MREG: variants seen among roughly 807,000 people sequenced by gnomAD.
The protein encoded by MREG is dilute suppressor protein homolog.
In MREG, 31 loss-of-function variants were observed where a neutral mutation model predicts 28.5. The ratio of observed to expected loss-of-function variants is 1.09; its 90% CI spans 0.82 to 1.47. The LOEUF is 1.47. MREG is among the 40% of genes most tolerant of loss of function. The pLI, the probability that MREG is intolerant of heterozygous loss-of-function variation, is 0.00. For missense variants in MREG, 256 were observed against 257.4 expected (o/e 0.99, Z 0.04); for synonymous variants, 106 against 95.2 (o/e 1.11, Z -0.66).
intron 2 of MREG, among the ~76,000 whole-genome samples, chr2:215,954,450 ACACACACAC>A (rs1559175323): frequency 1.7e-4 from 26 of 150,032 alleles, no homozygotes; most frequent in African/African-American, 6.3e-4. Context: ...TGTACAACAC[ACACACACAC>A]ACACACACAC....
intron 2 of MREG, among the ~76,000 whole-genome samples, chr2:215,979,460 T>A (rs1459729164): frequency 8.4e-6 from 1 of 119,490 alleles, no homozygotes; most frequent in Non-Finnish European, 1.7e-5. Context: ...TGAAACTCCA[T>A]CTCAAAAAAT....
At chr2:215,962,873 C>T (rs1230246123) in intron 2 of MREG, among the ~76,000 whole-genome samples, 3 of 152,182 alleles carry the variant, frequency 2.0e-5, no homozygotes, top group African/African-American at 7.2e-5. Flanking sequence ...TGGTGGCTCA[C>T]GCTTGTAATC....
chr2:215,999,003 A>G (rs1693944173), intron 1 of MREG, among the ~76,000 whole-genome samples: 1 of 152,214 alleles, frequency 6.6e-6, no homozygotes, highest in Admixed American at 6.5e-5. Context: ...AACTAACCAG[A>G]CCTGAGGACT....
chr2:216,012,824 G>A (rs906066210), intron 1 of MREG, among the ~76,000 whole-genome samples: 5 of 152,160 alleles, frequency 3.3e-5, no homozygotes, highest in Admixed American at 6.5e-5. Context: ...ATGAGAAATA[G>A]ACAACTTTTT....
chr2:216,031,534 A>G (rs139630651), intron 1 of MREG, among the ~76,000 whole-genome samples: 42 of 149,690 alleles, frequency 2.8e-4, no homozygotes, highest in Middle Eastern at 6.8e-3. Flanking sequence ...AAGAAAAGAA[A>G]GAAGGAAGGA....
intron 2 of MREG, among the ~76,000 whole-genome samples, chr2:215,967,110 A>C (rs1424457508): frequency 1.3e-5 from 2 of 152,274 alleles, no homozygotes; most frequent in Non-Finnish European, 1.5e-5. Flanking sequence ...ATTTGTTTAT[A>C]ATTACCCCAG....
At chr2:215,945,825 C>A (rs1017264396) in intron 3 of MREG, 91 bp from the exon 4 acceptor site, 2 of 1,103,138 alleles carry the variant, frequency 1.8e-6, no homozygotes, top group Non-Finnish European at 2.6e-6. Context: ...ACGAACAGAC[C>A]CATGTGGATT....
chr2:215,962,742 C>T (rs1692824375), intron 2 of MREG, among the ~76,000 whole-genome samples: 1 of 152,186 alleles, frequency 6.6e-6, no homozygotes, highest in Non-Finnish European at 1.5e-5. Flanking sequence ...TTGTCCAATA[C>T]AGCAGCCAAT....
chr2:216,016,918 C>A (rs1013833196), upstream of MREG, among the ~76,000 whole-genome samples: 1 of 152,304 alleles, frequency 6.6e-6, no homozygotes, highest in African/African-American at 2.4e-5. Flanking sequence ...CAGTTACTAA[C>A]ATTTTTAAAA....
intron 3 of MREG, among the ~76,000 whole-genome samples, 153 bp downstream of exon 3, chr2:215,946,870 G>C (rs548556039): frequency 1.3e-5 from 2 of 152,320 alleles, no homozygotes; most frequent in Non-Finnish European, 2.9e-5. Context: ...TATGCTTGAG[G>C]ATATAAGAGC....
chr2:215,983,140 C>A (rs1224488274), intron 2 of MREG, among the ~76,000 whole-genome samples: 1 of 152,208 alleles, frequency 6.6e-6, no homozygotes, highest in Admixed American at 6.5e-5. Context: ...TAGAAAATCG[C>A]TTCCCTTTTC....
intron 2 of MREG, among the ~76,000 whole-genome samples, chr2:215,971,032 A>G (rs1356271869): frequency 1.3e-5 from 2 of 152,190 alleles, no homozygotes; most frequent in Non-Finnish European, 2.9e-5. Context: ...AAACTAACAC[A>G]GGAACAGAAA....
At chr2:215,964,604 TCAAA>T (rs1354651527) in intron 2 of MREG, among the ~76,000 whole-genome samples, 6 of 152,272 alleles carry the variant, frequency 3.9e-5, no homozygotes, top group African/African-American at 1.2e-4. Context: ...AAAGAAATTC[TCAAA>T]CAATGAACAC....
chr2:216,016,540 C>A (rs1694451774), upstream of MREG, among the ~76,000 whole-genome samples: 1 of 152,162 alleles, frequency 6.6e-6, no homozygotes, highest in African/African-American at 2.4e-5. Context: ...AAACATGTCA[C>A]TTAATTTTTC....
intron 2 of MREG, among the ~76,000 whole-genome samples, chr2:215,984,527 A>G (rs2106004330): frequency 6.6e-6 from 1 of 151,338 alleles, no homozygotes; most frequent in East Asian, 1.9e-4. Flanking sequence ...CCAAAAAAAA[A>G]AAAAAAAAAA....
chr2:215,984,518 C>CAAAAAAAAAAAAAA (rs375220091), intron 2 of MREG, among the ~76,000 whole-genome samples: 6 of 68,038 alleles, frequency 8.8e-5, no homozygotes, highest in African/African-American at 3.4e-4. Context: ...ACCTTGTCAC[C>CAAAAAAAAAAAAAA]AAAAAAAAAA....
At position 215,944,588 on chromosome 2, in the gene MREG, G is replaced by C. The variant is rs1057054126; in HGVS notation, c.*275C>G. 1 of 260,954 alleles carries C rather than the reference G, an allele frequency of 3.8e-6. No individual in the cohort carries two copies. The highest frequency in any genetic ancestry group is 2.2e-5 in the African/African-American group (1 of 45,786). The allele number at this position is 260,954 out of a possible 1,614,324, so 16.2% of individuals were successfully genotyped here. A position where few individuals can be genotyped will look rare whatever the true frequency, so the allele number is the denominator to read the frequency against. On this transcript the variant is annotated 3_prime_UTR_variant, in exon 5 of 5. Transcript: ENST00000263268. The stretch of plus-strand genomic sequence containing the variant: ...AACTAAAACCAAAGCTGGGGCAATG[G>C]GCTCTCAGAATGGAACCACCCATTA...
At chr2:216,032,880 G>A (rs1694731594) in exon 1 of MREG, 1 of 147,148 alleles carries the variant, frequency 6.8e-6, no homozygotes, top group South Asian at 2.1e-4. Context: ...TAAACAAGGA[G>A]TGCAGAAGAA....
In MREG at chr2:215,949,081, CTACTACTAA is replaced by C. The variant is rs1273134110; in HGVS notation, c.256-1977_256-1969del. On this transcript the variant is annotated intron_variant, in intron 2 of 4. Transcript: ENST00000263268. ...ACTACTACTACTACTACTACTACTA[CTACTACTAA>C]TAATAATAATAATAATACAAAAATT... 1.6e-3 allele frequency among the ~76,000 whole-genome samples: 159 copies of C among 96,402 alleles called. 1 individual carries two copies. Among genetic ancestry groups the C allele is most frequent in the Middle Eastern group, 5.0e-3 (1 of 202 alleles). 63.2% of individuals were successfully genotyped at this position (96,402 alleles called of 152,430 possible).
Sources: gnomAD v4.1 joint callset for allele counts (sites outside exome capture counted in the v4.1 genomes callset) on GRCh38, gnomAD v4.1.1 for gene constraint, MANE v1.5 for transcripts, NCBI Gene and HGNC (gene_info 2026-07-23, HGNC 2026-07-21) for gene names.